DDX51: variants seen among roughly 807,000 people sequenced by gnomAD.
DDX51 encodes the protein ATP-dependent RNA helicase DDX51.
DDX51 carries 67 observed loss-of-function variants against 74.6 expected under a neutral mutation model. That is an observed-to-expected ratio of 0.90 (90% CI 0.74 to 1.10). The LOEUF (loss-of-function observed/expected upper bound fraction) is 1.10, where lower values mean the gene tolerates loss of function less well. DDX51 is among the 50% of genes least tolerant of loss of function. DDX51 has a pLI of 0.00. For synonymous variants in DDX51, 545 were observed against 402.9 expected (o/e 1.35, Z -4.22); for missense variants, 1,056 against 905.2 (o/e 1.17, Z -2.14).
In DDX51 at chr12:132,143,795, C is replaced by G. The variant is rs1432391082; in HGVS notation, c.419G>C (p.Ser140Thr). ...CGGTCCATCTGGGGCCGCCTCGGCG[C>G]TGGCGCTGGTGCTGCGCTCCCCCGG... Reference protein sequence around the residue: ...EAPGERSTSASAEAAPDGPAL... With the variant: ...EAPGERSTSATAEAAPDGPAL... Residue 140 changes from serine (S) to threonine (T), a missense_variant, in exon 2 of 15, where the codon AGC becomes ACC. Transcript: ENST00000397333. 6.6e-7 allele frequency: 1 copy of G among 1,521,228 alleles called. No homozygotes were observed. The highest frequency in any genetic ancestry group is 2.0e-5 in the Admixed American group (1 of 49,328). 94.2% of individuals were successfully genotyped at this position (1,521,228 alleles called of 1,614,324 possible). A position where few individuals can be genotyped will look rare whatever the true frequency, so the allele number is the denominator to read the frequency against.
At chr12:132,139,440 C>A (rs1324281601) in intron 14 of DDX51, 142 bp from the exon 15 acceptor site, 3 of 1,514,270 alleles carry the variant, frequency 2.0e-6, no homozygotes, top group South Asian at 2.3e-5. Context: ...GACAGCCCTC[C>A]CTGGTGCCAC....
intron 2 of DDX51, 158 bp downstream of exon 2, chr12:132,143,537 C>G: frequency 2.1e-6 from 2 of 974,366 alleles, no homozygotes; most frequent in African/African-American, 3.4e-5. Context: ...CGTGCAGGAT[C>G]CAGACCCCTA....
chr12:132,141,452 G>C, intron 7 of DDX51, 32 bp from the exon 8 acceptor site: 1 of 1,582,278 alleles, frequency 6.3e-7, no homozygotes, highest in Non-Finnish European at 8.6e-7. Context: ...GGACTGGGTG[G>C]CGCGGCCCTG....
intron 6 of DDX51, 56 bp from the exon 7 acceptor site, chr12:132,141,662 G>A (rs1042075528): frequency 6.6e-7 from 1 of 1,522,426 alleles, no homozygotes; most frequent in African/African-American, 1.4e-5. Flanking sequence ...CTTCCGGATA[G>A]CAAGACGCTG....
chr12:132,140,787 C>T, intron 9 of DDX51, 44 bp downstream of exon 9: 1 of 1,613,154 alleles, frequency 6.2e-7, no homozygotes, highest in South Asian at 1.1e-5. Context: ...TTAGGGGCCC[C>T]AGGTTCCCAG....
chr12:132,141,268 T>C lies in DDX51; in HGVS notation c.1250+7A>G. The C allele has an allele frequency of 6.3e-7, 1 of 1,587,088 alleles. No homozygotes were observed. Among genetic ancestry groups the C allele is most frequent in the Non-Finnish European group, 8.5e-7 (1 of 1,172,288 alleles). ...GGAGGCCAGCACCTGGGCGTGCTGC[T>C]GGATACCTGGCGGCTGTCACAGCCT... On this transcript the variant is annotated splice_region_variant and intron_variant, in intron 8 of 14. Transcript: ENST00000397333.
At position 132,142,855 on chromosome 12, in the gene DDX51, C is replaced by T; in HGVS notation, c.543G>A (p.Trp181Ter). 1 of 1,612,870 alleles carries T rather than the reference C, an allele frequency of 6.2e-7. No individual in the cohort carries two copies. The highest frequency in any genetic ancestry group is 2.2e-5 in the East Asian group (1 of 44,882). The change falls in exon 3 of 15, where the codon TGG becomes TGA. Residue 181 changes from tryptophan (W) to a stop codon, truncating the protein, a stop_gained. Coordinates refer to ENST00000397333, the MANE Select transcript of DDX51 (RefSeq NM_175066.4). LOFTEE classifies it high-confidence loss of function. ...APKVQPFLPRWLAEPNCVRRN... is the reference protein window; with the variant it reads ...APKVQPFLPR ...TTCTGACACAGTTAGGCTCAGCCAGCCACCTTGGCAGGAAAGGCTGGACCT... is the reference window on the plus strand; with the variant it reads ...TTCTGACACAGTTAGGCTCAGCCAGTCACCTTGGCAGGAAAGGCTGGACCT...
intron 2 of DDX51, 188 bp downstream of exon 2, chr12:132,143,507 G>C (rs1190596579): frequency 9.3e-6 from 7 of 749,036 alleles, no homozygotes; most frequent in Non-Finnish European, 1.4e-5. Context: ...AAGCCTAGCA[G>C]AGGAAACGGG....
In DDX51 at chr12:132,142,190, C is replaced by T. The variant is rs1329189136; in HGVS notation, c.817G>A (p.Ala273Thr). 12 of 1,569,174 alleles carry T rather than the reference C, an allele frequency of 7.6e-6. No homozygotes were observed. Among genetic ancestry groups the T allele is most frequent in the African/African-American group, 1.4e-5 (1 of 73,866 alleles). ...TLAFVIPVVQALLSRVVCHIR... is the reference protein window; with the variant it reads ...TLAFVIPVVQTLLSRVVCHIR... ...TGGCAGACCACTCTCGAAAGCAGGG[C>T]CTGAGGGGGAAGGAGCGCCTGCGTC... The change falls in exon 5 of 15, where the codon GCC (alanine) becomes ACC (threonine). Residue 273 changes from alanine to threonine, a missense_variant and splice_region_variant. By Grantham distance (58) the Ala-to-Thr change is moderately conservative (BLOSUM62 0). Coordinates refer to ENST00000397333, the MANE Select transcript of DDX51 (RefSeq NM_175066.4).
In DDX51 at chr12:132,139,880, G is replaced by A; in HGVS notation, c.1820C>T (p.Thr607Ile). 1.9e-6 allele frequency: 3 copies of A among 1,613,192 alleles called. No homozygotes were observed. Residue 607 changes from threonine to isoleucine, a missense_variant, in exon 13 of 15, where the codon ACA becomes ATA. Transcript: ENST00000397333. ...ARAGKTGQAFTLLLKVQERRF... is the reference protein window; with the variant it reads ...ARAGKTGQAFILLLKVQERRF... Reference sequence around the variant, plus strand: ...CCTCACCTGCACTTTCAGGAGCAGTGTGAAGGCCTGTCCAGTTTTCCCAGC... The same window carrying A: ...CCTCACCTGCACTTTCAGGAGCAGTATGAAGGCCTGTCCAGTTTTCCCAGC...
In DDX51 at chr12:132,137,754, T is replaced by C. The variant is rs1897305776; in HGVS notation, c.*1518A>G. 2.0e-5 allele frequency: 3 copies of C among 152,210 alleles called. No individual in the cohort carries two copies. The allele number at this position is 152,210 out of a possible 1,614,324, so 9.4% of individuals were successfully genotyped here. A position where few individuals can be genotyped will look rare whatever the true frequency, so the allele number is the denominator to read the frequency against. On this transcript the variant is annotated 3_prime_UTR_variant, in exon 15 of 15. Coordinates refer to ENST00000397333, the MANE Select transcript of DDX51 (RefSeq NM_175066.4). Reference sequence around the variant, plus strand: ...CTGGACTGAGAGAATTCACACACTGTATCCACCCAGTCCATGGTTTTTAGT... The same window carrying C: ...CTGGACTGAGAGAATTCACACACTGCATCCACCCAGTCCATGGTTTTTAGT...
At position 132,143,775 on chromosome 12, in the gene DDX51, C is replaced by T; in HGVS notation, c.439G>A (p.Gly147Arg). 6.6e-7 allele frequency: 1 copy of T among 1,519,344 alleles called. No homozygotes were observed. The highest frequency in any genetic ancestry group is 8.8e-7 in the Non-Finnish European group (1 of 1,138,166). The allele number at this position is 1,519,344 out of a possible 1,614,324, so 94.1% of individuals were successfully genotyped here. The change falls in exon 2 of 15, where the codon GGA becomes AGA. Residue 147 changes from glycine to arginine, a missense_variant. By Grantham distance (125) the Gly-to-Arg change is moderately radical (BLOSUM62 -2). Transcript: ENST00000397333. ...TSASAEAAPDGPALEEAAGPL... is the reference protein window; with the variant it reads ...TSASAEAAPDRPALEEAAGPL... Reference sequence around the variant, plus strand: ...CCGGCCGCCTCCTCCAGGGCCGGTCCATCTGGGGCCGCCTCGGCGCTGGCG... The same window carrying T: ...CCGGCCGCCTCCTCCAGGGCCGGTCTATCTGGGGCCGCCTCGGCGCTGGCG...
At chr12:132,139,324 C>T (rs1897359790) in intron 14 of DDX51, 26 bp from the exon 15 acceptor site, 3 of 1,605,110 alleles carry the variant, frequency 1.9e-6, no homozygotes, top group African/African-American at 2.7e-5. Flanking sequence ...GAGGGCTCAG[C>T]ACCACACACT....
intron 2 of DDX51, chr12:132,143,222 C>T (rs932766137): frequency 5.3e-5 from 22 of 412,782 alleles, no homozygotes; most frequent in East Asian, 2.3e-4. Context: ...CTTGACCTGG[C>T]TTCAAGTCTT....
At chr12:132,143,506 A>T in intron 2 of DDX51, 189 bp downstream of exon 2, 5 of 742,760 alleles carry the variant, frequency 6.7e-6, no homozygotes, top group Non-Finnish European at 8.4e-6. Flanking sequence ...CAAGCCTAGC[A>T]GAGGAAACGG....
At position 132,142,839 on chromosome 12, in the gene DDX51, A is replaced by T. The variant is rs2136679053; in HGVS notation, c.559T>A (p.Cys187Ser). ...FLPRWLAEPNCVRRNVTEDLV... is the reference protein window; with the variant it reads ...FLPRWLAEPNSVRRNVTEDLV... ...TCTTCGGTGACATTCCTTCTGACAC[A>T]GTTAGGCTCAGCCAGCCACCTTGGC... The change falls in exon 3 of 15, where the codon TGT becomes AGT. Residue 187 changes from cysteine to serine, a missense_variant. Cys to Ser is a moderately radical substitution (Grantham distance 112). Transcript: ENST00000397333. 1 of 1,612,134 alleles carries T rather than the reference A, an allele frequency of 6.2e-7. No homozygotes were observed. Among genetic ancestry groups the T allele is most frequent in the South Asian group, 1.1e-5 (1 of 91,072 alleles).
chr12:132,143,596 A>C, intron 2 of DDX51, 99 bp downstream of exon 2: 1 of 1,438,174 alleles, frequency 7.0e-7, no homozygotes, highest in Non-Finnish European at 9.4e-7. Context: ...TGACCCGGGA[A>C]CATTCGCTGA....
At chr12:132,143,934 AGCGC>A in intron 1 of DDX51, 25 bp from the exon 2 acceptor site, 2 of 1,509,934 alleles carry the variant, frequency 1.3e-6, no homozygotes, top group Non-Finnish European at 1.8e-6. Flanking sequence ...CCCACCCGGC[AGCGC>A]GTCAGCACCG....
In DDX51 at chr12:132,140,844, G is replaced by A. The variant is rs1160945355; in HGVS notation, c.1427C>T (p.Pro476Leu). The A allele has an allele frequency of 1.2e-6, 2 of 1,613,598 alleles. No individual in the cohort carries two copies. The highest frequency in any genetic ancestry group is 2.2e-5 in the East Asian group (1 of 44,888). ...TATCCCACTCACCGTGAGCCCAACAGGAAAGGCATACTTCCCCGAATCCCC... is the reference window on the plus strand; with the variant it reads ...TATCCCACTCACCGTGAGCCCAACAAGAAAGGCATACTTCCCCGAATCCCC... ...GDGDSGKYAFPVGLTHHYVPC... is the reference protein window; with the variant it reads ...GDGDSGKYAFLVGLTHHYVPC... Residue 476 changes from proline to leucine, a missense_variant, in exon 9 of 15, where the codon CCT becomes CTT. Transcript: ENST00000397333.
Sources: allele counts gnomAD v4.1 joint callset, GRCh38; gene constraint gnomAD v4.1.1; transcripts MANE v1.5; gene names NCBI Gene and HGNC (gene_info 2026-07-23, HGNC 2026-07-21).